USP8: variants seen among roughly 807,000 people sequenced by gnomAD.
USP8 encodes the protein ubiquitin specific peptidase 8.
USP8 carries 27 observed loss-of-function variants against 130.0 expected under a neutral mutation model. The observed-to-expected ratio is 0.21, with a 90% CI of 0.15 to 0.29. The LOEUF (loss-of-function observed/expected upper bound fraction) is 0.29. Among genes scored for constraint, USP8 ranks in the 10% least tolerant of loss-of-function variants. The pLI is 1.00. For synonymous variants in USP8, 392 were observed against 444.1 expected (o/e 0.88, Z 1.48); for missense variants, 1,029 against 1,312.2 (o/e 0.78, Z 3.33).
rs370716283 is a variant in USP8 at position 50,484,349 on chromosome 15, C to A, written c.1878C>A (p.Thr626=). ...CTTTTAGAGAGGATACAGACGATACCGAAAGAAATAAAGTAAGTAGTTTAT... is the reference window on the plus strand; with the variant it reads ...CTTTTAGAGAGGATACAGACGATACAGAAAGAAATAAAGTAAGTAGTTTAT... The part of the protein sequence containing the change: ...TGTFREDTDD[T]ERNKAQREPL... The change falls in exon 12 of 20, where the codon ACC becomes ACA. Residue 626 remains threonine, a synonymous_variant. Transcript: ENST00000307179. 1 of 1,608,722 alleles carries A rather than the reference C, an allele frequency of 6.2e-7. No homozygotes were observed. Among genetic ancestry groups the A allele is most frequent in the Admixed American group, 1.7e-5 (1 of 59,106 alleles).
intron 7 of USP8, among the ~76,000 whole-genome samples, chr15:50,469,322 G>A (rs1486502436): frequency 6.6e-6 from 1 of 151,984 alleles, no homozygotes; most frequent in African/African-American, 2.4e-5. Context: ...TAAAAGACAA[G>A]TAGAGCAGAG....
At chr15:50,430,063 T>C (rs2049881662) in intron 1 of USP8, among the ~76,000 whole-genome samples, 1 of 152,244 alleles carries the variant, frequency 6.6e-6, no homozygotes, top group Admixed American at 6.5e-5. Flanking sequence ...CTTTACTTTG[T>C]TACCGTTATG....
chr15:50,489,176 A>G (rs1285267584), intron 12 of USP8, among the ~76,000 whole-genome samples: 1 of 152,184 alleles, frequency 6.6e-6, no homozygotes, highest in Non-Finnish European at 1.5e-5. Context: ...TACTTATATA[A>G]CATTTCATCA....
At chr15:50,470,024 G>C (rs1052742200) in intron 7 of USP8, among the ~76,000 whole-genome samples, 1 of 152,050 alleles carries the variant, frequency 6.6e-6, no homozygotes, top group African/African-American at 2.4e-5. Flanking sequence ...TTAGAGACAG[G>C]GTTTCGCCAT....
chr15:50,471,317 G>C (rs1296228427), intron 7 of USP8, among the ~76,000 whole-genome samples: 1 of 152,140 alleles, frequency 6.6e-6, no homozygotes, highest in East Asian at 1.9e-4. Flanking sequence ...GCTGAAAGAG[G>C]AGCTCAGATA....
At chr15:50,459,996 CTT>C (rs1555386693) in intron 5 of USP8, among the ~76,000 whole-genome samples, 11 of 92,000 alleles carry the variant, frequency 1.2e-4, no homozygotes, top group African/African-American at 2.6e-4. Flanking sequence ...CACCCCCCCC[CTT>C]TTTTTTTTTT....
At chr15:50,447,809 C>T (rs1303536671) in intron 3 of USP8, among the ~76,000 whole-genome samples, 4 of 151,044 alleles carry the variant, frequency 2.6e-5, no homozygotes, top group South Asian at 4.2e-4. Flanking sequence ...TCACTATATG[C>T]CCAGGCAGGT....
At chr15:50,437,016 T>C (rs966883589) in intron 1 of USP8, among the ~76,000 whole-genome samples, 1 of 152,012 alleles carries the variant, frequency 6.6e-6, no homozygotes, top group African/African-American at 2.4e-5. Context: ...TTTTTTTAAA[T>C]GTGTATTTTT....
chr15:50,441,739 A>G (rs992609182), intron 3 of USP8, among the ~76,000 whole-genome samples: 6 of 152,202 alleles, frequency 3.9e-5, no homozygotes, highest in Admixed American at 2.0e-4. Flanking sequence ...ATACAGATTC[A>G]TAATTTTTTT....
At chr15:50,471,514 A>G in intron 7 of USP8, 119 bp from the exon 8 acceptor site, 1 of 1,029,744 alleles carries the variant, frequency 9.7e-7, no homozygotes, top group Non-Finnish European at 1.4e-6. Context: ...TTAGAAAGGA[A>G]TCTACTTAAA....
chr15:50,496,223 TG>T (rs1411327894), intron 17 of USP8, 139 bp downstream of exon 17: 1 of 667,166 alleles, frequency 1.5e-6, no homozygotes, highest in Non-Finnish European at 2.5e-6. Flanking sequence ...GCTCATACCT[TG>T]TACTCCCAGC....
chr15:50,489,732 C>G (rs982952522), intron 12 of USP8, 69 bp from the exon 13 acceptor site: 75 of 1,133,204 alleles, frequency 6.6e-5, no homozygotes, highest in Non-Finnish European at 8.0e-5. Flanking sequence ...TTTTATATGA[C>G]AAAATTTAAT....
At chr15:50,444,947 G>A (rs989465847) in intron 3 of USP8, among the ~76,000 whole-genome samples, 6 of 151,980 alleles carry the variant, frequency 3.9e-5, no homozygotes, top group African/African-American at 7.2e-5. Context: ...TAGTGGAAAC[G>A]AGGTCTTACC....
intron 11 of USP8, among the ~76,000 whole-genome samples, chr15:50,483,887 C>T (rs2051860245): frequency 6.6e-6 from 1 of 151,766 alleles, no homozygotes; most frequent in Non-Finnish European, 1.5e-5. Context: ...TTTCTTCTTT[C>T]TCTTGAATAC....
In USP8 at chr15:50,477,342, C is replaced by G; in HGVS notation, c.1061C>G (p.Ala354Gly). ...PSKPAAQTPP[A>G]SIEVDENIEL... ...AAACCTGCTGCCCAGACGCCACCTG[C>G]ATCTATAGAAGTAGATGAAAATATA... The change falls in exon 10 of 20, where the codon GCA (alanine) becomes GGA (glycine). Residue 354 changes from alanine (A) to glycine (G), a missense_variant. Physicochemically the swap from Ala to Gly is moderately conservative, Grantham distance 60. This residue lies in a region of USP8 where 486 missense variants were observed against 522.0 expected (regional missense o/e 0.93). Transcript: ENST00000307179. 6.2e-7 allele frequency: 1 copy of G among 1,614,094 alleles called. No homozygotes were observed. Among genetic ancestry groups the G allele is most frequent in the East Asian group, 2.2e-5 (1 of 44,872 alleles).
intron 7 of USP8, among the ~76,000 whole-genome samples, chr15:50,470,018 A>C (rs2051325337): frequency 6.6e-6 from 1 of 152,050 alleles, no homozygotes; most frequent in South Asian, 2.1e-4. Context: ...TTTTAATTAG[A>C]GACAGGGTTT....
At chr15:50,478,841 G>A (rs1201248615) in intron 10 of USP8, among the ~76,000 whole-genome samples, 3 of 152,108 alleles carry the variant, frequency 2.0e-5, no homozygotes, top group East Asian at 1.9e-4. Flanking sequence ...GGTCACCTGA[G>A]GTCAGGAGTT....
At chr15:50,493,385 C>T (rs769878403) in intron 15 of USP8, 2 of 519,362 alleles carry the variant, frequency 3.9e-6, no homozygotes, top group East Asian at 1.1e-4. Flanking sequence ...ACCCATTTTA[C>T]CTTTCAAACC....
intron 3 of USP8, 112 bp downstream of exon 3, chr15:50,441,605 C>T: frequency 2.3e-6 from 2 of 858,522 alleles, no homozygotes; most frequent in Non-Finnish European, 3.4e-6. Flanking sequence ...TTATATGCAG[C>T]ATGATCTCAT....
Sources: gnomAD v4.1 joint callset for allele counts (sites outside exome capture counted in the v4.1 genomes callset) on GRCh38, gnomAD v4.1.1 for gene constraint, gnomAD v4.1.1 regional missense constraint, MANE v1.5 for transcripts, NCBI Gene and HGNC (gene_info 2026-07-23, HGNC 2026-07-21) for gene names.